Variants in RPS6KA2 observed in about 807,000 individuals in gnomAD.
RPS6KA2 encodes ribosomal protein S6 kinase alpha-2.
RPS6KA2 carries 42 observed loss-of-function variants against 91.8 expected under a neutral mutation model. That is an observed-to-expected ratio of 0.46 (90% CI 0.36 to 0.59). The LOEUF is 0.59. Among genes scored for constraint, RPS6KA2 ranks in the 20% least tolerant of loss-of-function variants. The probability of loss-of-function intolerance (pLI) is 0.00; values close to 1 mark genes in which losing one functional copy is unlikely to be tolerated. For missense variants in RPS6KA2, 798 were observed against 978.5 expected (o/e 0.82, Z 2.46); for synonymous variants, 414 against 393.6 (o/e 1.05, Z -0.61).
chr6:166,857,978 T>C (rs747188989), intron 2 of RPS6KA2: 1 of 539,900 alleles, frequency 1.9e-6, no homozygotes, highest in South Asian at 2.7e-5. Flanking sequence ...TTCCGTCCTA[T>C]GCTCCAGCTA....
chr6:166,674,313 T>G (rs1052346746), intron 2 of RPS6KA2, among the ~76,000 whole-genome samples: 2 of 152,184 alleles, frequency 1.3e-5, no homozygotes, highest in Admixed American at 6.5e-5. Flanking sequence ...ACATGGCAGG[T>G]GGGCGCTGGG....
intron 12 of RPS6KA2, among the ~76,000 whole-genome samples, chr6:166,458,707 G>A (rs1442574946): frequency 2.0e-5 from 3 of 152,156 alleles, no homozygotes; most frequent in Non-Finnish European, 4.4e-5. Context: ...AAGTCAAGGC[G>A]AGAGCTCTCA....
chr6:166,549,436 C>CA (rs560232182), intron 1 of RPS6KA2, among the ~76,000 whole-genome samples: 2,262 of 152,292 alleles, frequency 0.015, 47 homozygotes, highest in African/African-American at 0.051. Flanking sequence ...GTTCAACAAG[C>CA]TGCAGTACAT....
chr6:166,824,903 G>T (rs1189887385), intron 2 of RPS6KA2, among the ~76,000 whole-genome samples: 1 of 152,168 alleles, frequency 6.6e-6, no homozygotes, highest in Non-Finnish European at 1.5e-5. Context: ...GTGTGTATGT[G>T]TGTCTGAACT....
At chr6:166,470,843 A>G (rs980083339) in intron 10 of RPS6KA2, among the ~76,000 whole-genome samples, 2 of 152,246 alleles carry the variant, frequency 1.3e-5, no homozygotes, top group Admixed American at 6.5e-5. Context: ...TGTTCTGAAC[A>G]CAAAGTCTAT....
chr6:166,476,354 T>C (rs1226902891), intron 10 of RPS6KA2, among the ~76,000 whole-genome samples: 3 of 152,076 alleles, frequency 2.0e-5, no homozygotes, highest in Non-Finnish European at 2.9e-5. Context: ...CAGTTTGCAG[T>C]TCTTTGTCAA....
intron 2 of RPS6KA2, among the ~76,000 whole-genome samples, chr6:166,807,710 T>C (rs1225420850): frequency 6.6e-6 from 1 of 152,072 alleles, no homozygotes; most frequent in Non-Finnish European, 1.5e-5. Context: ...TCCCACCGTC[T>C]GCACACAGCC....
chr6:166,821,099 T>C lies in RPS6KA2; in HGVS notation c.123+37101A>G, dbSNP rs373331956. On this transcript the variant is annotated intron_variant, in intron 2 of 21. Coordinates refer to the RPS6KA2 transcript ENST00000503859. The surrounding 1 kb of genome is among the most constrained non-coding windows in gnomAD (Gnocchi z 4.1). Reference sequence around the variant, plus strand: ...GATATTGAATTAGGTTACCATATTTTGTATCACACGCTAGGCACAGAGTGA... The same window carrying C: ...GATATTGAATTAGGTTACCATATTTCGTATCACACGCTAGGCACAGAGTGA... Among the ~76,000 whole-genome samples, 1 of 152,340 alleles carries C rather than the reference T, an allele frequency of 6.6e-6. No homozygotes were observed. Among genetic ancestry groups the C allele is most frequent in the African/African-American group, 2.4e-5 (1 of 41,588 alleles).
intron 13 of RPS6KA2, among the ~76,000 whole-genome samples, chr6:166,449,715 AT>A (rs757766135): frequency 2.6e-5 from 4 of 152,074 alleles, no homozygotes; most frequent in Admixed American, 6.6e-5. Flanking sequence ...TTTAAGACGA[AT>A]GCCAAGTAGG....
At chr6:166,716,909 G>T (rs1295768480) in intron 2 of RPS6KA2, among the ~76,000 whole-genome samples, 4 of 152,118 alleles carry the variant, frequency 2.6e-5, no homozygotes, top group Non-Finnish European at 4.4e-5. Context: ...GCAAAAAAAA[G>T]GTTTTGCGAC....
intron 13 of RPS6KA2, 86 bp downstream of exon 13, chr6:166,451,017 G>T: frequency 6.5e-7 from 1 of 1,545,234 alleles, no homozygotes; most frequent in Non-Finnish European, 8.9e-7. Flanking sequence ...CCAACCCCCG[G>T]GTGACTGAGG....
At chr6:166,700,012 G>A (rs1186464473) in intron 2 of RPS6KA2, among the ~76,000 whole-genome samples, 1 of 152,218 alleles carries the variant, frequency 6.6e-6, no homozygotes, top group African/African-American at 2.4e-5. Context: ...GGCAAACTAA[G>A]CATCCTGTAA....
At chr6:166,515,324 C>A (rs891427480) in intron 3 of RPS6KA2, among the ~76,000 whole-genome samples, 1 of 152,202 alleles carries the variant, frequency 6.6e-6, no homozygotes, top group Admixed American at 6.5e-5. Context: ...CATCGCTCAT[C>A]CCCCGGGAGG....
intron 1 of RPS6KA2, among the ~76,000 whole-genome samples, chr6:166,568,210 T>G (rs1784560256): frequency 6.6e-6 from 1 of 152,058 alleles, no homozygotes; most frequent in South Asian, 2.1e-4. Flanking sequence ...CACATGCACA[T>G]CCACATAAAA....
chr6:166,633,823 G>A (rs569822707), intron 2 of RPS6KA2, among the ~76,000 whole-genome samples: 9 of 152,052 alleles, frequency 5.9e-5, no homozygotes, highest in Admixed American at 2.6e-4. Flanking sequence ...AGATCATCAC[G>A]GGCTAGTGAC....
At chr6:166,501,786 G>A (rs1282932079) in intron 6 of RPS6KA2, among the ~76,000 whole-genome samples, 2 of 152,212 alleles carry the variant, frequency 1.3e-5, no homozygotes, top group Non-Finnish European at 2.9e-5. Context: ...TCCAGATGCT[G>A]GGAGGTACCA....
rs1376679137 is a variant in RPS6KA2 at position 166,500,049 on chromosome 6, A to C, written c.604+838T>G. Among the ~76,000 whole-genome samples, 3 of 152,214 alleles carry C rather than the reference A, an allele frequency of 2.0e-5. No individual in the cohort carries two copies. Among genetic ancestry groups the C allele is most frequent in the Non-Finnish European group, 4.4e-5 (3 of 68,032 alleles). On this transcript the variant is annotated intron_variant, in intron 7 of 20. Transcript: ENST00000265678. This position sits in a 1 kb window ranked among gnomAD's most constrained non-coding sequence, Gnocchi z 4.3. ...GGCAAGATGCAGTCAGAGAGCTTGG[A>C]AGATGCTGCCTGCTGGCTTCCACCA...
chr6:166,436,532 T>C (rs1779313471), intron 14 of RPS6KA2, among the ~76,000 whole-genome samples: 1 of 151,812 alleles, frequency 6.6e-6, no homozygotes, highest in Non-Finnish European at 1.5e-5. Flanking sequence ...GGTGGGGAGG[T>C]GCGCCCTGAC....
chr6:166,857,310 C>T (rs1325706691), intron 2 of RPS6KA2, among the ~76,000 whole-genome samples: 2 of 152,176 alleles, frequency 1.3e-5, no homozygotes, highest in Non-Finnish European at 2.9e-5. Context: ...TGTGGCTGAG[C>T]GACTCAGTCT....
Sources: gnomAD v4.1 joint callset for allele counts (sites outside exome capture counted in the v4.1 genomes callset) on GRCh38, gnomAD v4.1.1 for gene constraint, Gnocchi (gnomAD v3.1) non-coding constraint, MANE v1.5 for transcripts, NCBI Gene and HGNC (gene_info 2026-07-23, HGNC 2026-07-21) for gene names.